Variants in LYPD5 observed in about 807,000 individuals in gnomAD.
LYPD5 encodes ly6/PLAUR domain-containing protein 5.
A neutral mutation model predicts 19.1 loss-of-function variants in LYPD5; 21 were observed. That is an observed-to-expected ratio of 1.10 (90% CI 0.78 to 1.58). The LOEUF is 1.58. LYPD5 is among the 40% of genes most tolerant of loss of function. LYPD5 has a pLI of 0.00. For missense variants in LYPD5, 287 were observed against 329.8 expected (o/e 0.87, Z 1.00); for synonymous variants, 128 against 142.7 (o/e 0.90, Z 0.74).
intron 1 of LYPD5, among the ~76,000 whole-genome samples, chr19:43,810,536 C>T (rs1332139171): frequency 6.8e-5 from 4 of 58,710 alleles, no homozygotes; most frequent in Admixed American, 1.6e-4. Context: ...CTTCCGTTCC[C>T]TCCCCTCCCC....
chr19:43,800,527 C>A (rs1261227181), intron 1 of LYPD5, among the ~76,000 whole-genome samples: 6 of 152,148 alleles, frequency 3.9e-5, no homozygotes, highest in Admixed American at 3.9e-4. Flanking sequence ...ATAACCATAT[C>A]AACACAGAGA....
chr19:43,802,412 C>T lies in LYPD5; in HGVS notation c.-32G>A, dbSNP rs775415001. The T allele has an allele frequency of 4.1e-5, 63 of 1,546,306 alleles. No homozygotes were observed. Among genetic ancestry groups the T allele is most frequent in the Non-Finnish European group, 5.5e-5 (63 of 1,142,366 alleles). Reference sequence around the variant, plus strand: ...GCTGGGCCACCTGGGACAGCTCCTCCCGCTGTGATGTGCTGCCTGGCTGGT... The same window carrying T: ...GCTGGGCCACCTGGGACAGCTCCTCTCGCTGTGATGTGCTGCCTGGCTGGT... On this transcript the variant is annotated 5_prime_UTR_variant, in exon 1 of 5. Coordinates refer to ENST00000377950, the MANE Select transcript of LYPD5 (RefSeq NM_001031749.3).
At chr19:43,802,101 CCCA>C (rs1357768601) in intron 1 of LYPD5, among the ~76,000 whole-genome samples, 1 of 152,048 alleles carries the variant, frequency 6.6e-6, no homozygotes, top group Non-Finnish European at 1.5e-5. Flanking sequence ...CAGGCTCCTG[CCCA>C]CCAAGACCCA....
At position 43,797,477 on chromosome 19, in the gene LYPD5, G is replaced by T; in HGVS notation, c.*114C>A. ...GGGCGGGAGAGATGGAAGGCCAGAG[G>T]GACAGGAGTGCAATTCTTACTTTAA... On this transcript the variant is annotated 3_prime_UTR_variant, in exon 5 of 5. Coordinates refer to ENST00000377950, the MANE Select transcript of LYPD5 (RefSeq NM_001031749.3). 1.1e-6 allele frequency: 1 copy of T among 872,498 alleles called. No individual in the cohort carries two copies. Among genetic ancestry groups the T allele is most frequent in the Non-Finnish European group, 1.8e-6 (1 of 555,988 alleles). 54.0% of individuals were successfully genotyped at this position (872,498 alleles called of 1,614,324 possible).
At chr19:43,818,632 A>G (rs1375178203) in intron 1 of LYPD5, among the ~76,000 whole-genome samples, 3 of 152,194 alleles carry the variant, frequency 2.0e-5, no homozygotes, top group Non-Finnish European at 4.4e-5. Context: ...CATTGCAGGC[A>G]TGAGGTCAGG....
chr19:43,804,053 G>C (rs1036100232), upstream of LYPD5, among the ~76,000 whole-genome samples: 1 of 152,136 alleles, frequency 6.6e-6, no homozygotes, highest in Non-Finnish European at 1.5e-5. Context: ...GGCCAGGCTG[G>C]TCTTGAATTC....
chr19:43,797,968 C>G, intron 4 of LYPD5, 139 bp from the exon 5 acceptor site: 1 of 679,520 alleles, frequency 1.5e-6, no homozygotes, highest in Non-Finnish European at 2.5e-6. Flanking sequence ...GGCCAGGCCT[C>G]CCTCAGACCA....
chr19:43,807,258 T>C (rs1432514086), upstream of LYPD5, among the ~76,000 whole-genome samples: 1 of 148,736 alleles, frequency 6.7e-6, no homozygotes, highest in Non-Finnish European at 1.5e-5. Context: ...CCTCACCTCA[T>C]TTTCTTTCTT....
At position 43,796,128 on chromosome 19, in the gene LYPD5, C is replaced by T. The variant is rs940574910; in HGVS notation, c.*1463G>A. The stretch of plus-strand genomic sequence containing the variant: ...AGGGCACTAATCCTATTCATGGGGG[C>T]TCCACCCTCATGATCTCACCACCTC... On this transcript the variant is annotated 3_prime_UTR_variant, in exon 5 of 5. Coordinates refer to ENST00000377950, the MANE Select transcript of LYPD5 (RefSeq NM_001031749.3). 6.6e-6 allele frequency: 1 copy of T among 152,170 alleles called. No homozygotes were observed. Among genetic ancestry groups the T allele is most frequent in the Non-Finnish European group, 1.5e-5 (1 of 68,044 alleles). The allele number at this position is 152,170 out of a possible 1,614,324, so 9.4% of individuals were successfully genotyped here. A position where few individuals can be genotyped will look rare whatever the true frequency, so the allele number is the denominator to read the frequency against.
intron 1 of LYPD5, among the ~76,000 whole-genome samples, chr19:43,810,054 C>T (rs939062606): frequency 1.4e-4 from 22 of 152,150 alleles, no homozygotes; most frequent in African/African-American, 4.6e-4. Context: ...ATGCACAATA[C>T]ATAATAATTT....
At chr19:43,801,720 G>C (rs754443654) in intron 1 of LYPD5, among the ~76,000 whole-genome samples, 20 of 152,126 alleles carry the variant, frequency 1.3e-4, no homozygotes, top group Non-Finnish European at 2.6e-4. Flanking sequence ...AGACTCATAG[G>C]ACATACTGAA....
In LYPD5 at chr19:43,815,885, G is replaced by A. The variant is rs1433117956; in HGVS notation, c.-66+4655C>T. 5 of 175,700 alleles carry A rather than the reference G, an allele frequency of 2.8e-5. No individual in the cohort carries two copies. The South Asian group carries it at 4.2e-4, about 15-fold the overall frequency. 10.9% of individuals were successfully genotyped at this position (175,700 alleles called of 1,614,324 possible). On this transcript the variant is annotated intron_variant, in intron 1 of 4. Coordinates refer to the LYPD5 transcript ENST00000414615. Reference sequence around the variant, plus strand: ...CCTGAGTAGCTGGGACTACAGGTGTGCACCACCATGCCTAATTTTTGTATT... The same window carrying A: ...CCTGAGTAGCTGGGACTACAGGTGTACACCACCATGCCTAATTTTTGTATT...
intron 4 of LYPD5, 89 bp downstream of exon 4, chr19:43,798,366 C>T: frequency 6.7e-7 from 1 of 1,491,228 alleles, no homozygotes; most frequent in African/African-American, 1.4e-5. Flanking sequence ...GCCATGTCTC[C>T]CTGTTGGGCC....
intron 1 of LYPD5, among the ~76,000 whole-genome samples, chr19:43,813,008 C>G (rs1270366904): frequency 6.6e-6 from 1 of 152,128 alleles, no homozygotes; most frequent in Non-Finnish European, 1.5e-5. Flanking sequence ...GTGTCTGAGC[C>G]CCACCTCCGG....
chr19:43,798,449 C>CCAA lies in LYPD5; in HGVS notation c.517+5_517+6insTTG. ...CCCAGGCCCTTCCACCCTTCCAGCC[C>CCAA]CTTACCAACTGTCATTCTGCCATTG... is the stretch of plus-strand genomic sequence containing the variant. On this transcript the variant is annotated splice_donor_region_variant and intron_variant, in intron 4 of 4. Coordinates refer to ENST00000377950, the MANE Select transcript of LYPD5 (RefSeq NM_001031749.3). 1 of 1,605,266 alleles carries CCAA rather than the reference C, an allele frequency of 6.2e-7. No individual in the cohort carries two copies. The highest frequency in any genetic ancestry group is 1.1e-5 in the South Asian group (1 of 91,084).
intron 1 of LYPD5, among the ~76,000 whole-genome samples, chr19:43,807,840 C>G (rs1225447872): frequency 1.3e-5 from 2 of 152,182 alleles, no homozygotes; most frequent in Non-Finnish European, 2.9e-5. Flanking sequence ...TGAGGCAATG[C>G]CCAAGGGGCT....
chr19:43,802,375 T>TGCC lies in LYPD5; in HGVS notation c.3_5dup (p.Ala2dup), dbSNP rs1970235227. 1.3e-6 allele frequency: 2 copies of TGCC among 1,551,632 alleles called. No homozygotes were observed. The highest frequency in any genetic ancestry group is 1.7e-6 in the Non-Finnish European group (2 of 1,146,974). On this transcript the variant is annotated inframe_insertion, in exon 1 of 5. Coordinates refer to ENST00000377950, the MANE Select transcript of LYPD5 (RefSeq NM_001031749.3). Reference sequence around the variant, plus strand: ...GCAGAATGACTCTGGGGACCCCCATTGCCATTGCTGAGCTGGGCCACCTGG... The same window carrying TGCC: ...GCAGAATGACTCTGGGGACCCCCATTGCCGCCATTGCTGAGCTGGGCCACCTGG...
intron 1 of LYPD5, among the ~76,000 whole-genome samples, chr19:43,817,229 G>T (rs1338646836): frequency 6.6e-6 from 1 of 152,180 alleles, no homozygotes; most frequent in East Asian, 1.9e-4. Flanking sequence ...TATTGTGGGG[G>T]AGGGGGCATG....
intron 1 of LYPD5, among the ~76,000 whole-genome samples, chr19:43,817,427 T>G (rs1459717860): frequency 6.6e-6 from 1 of 152,010 alleles, no homozygotes; most frequent in Non-Finnish European, 1.5e-5. Flanking sequence ...ATTCAAGGAG[T>G]GGAGAAATTG....
Sources: allele counts gnomAD v4.1 joint callset (sites outside exome capture counted in the v4.1 genomes callset), GRCh38; gene constraint gnomAD v4.1.1; transcripts MANE v1.5; gene names NCBI Gene and HGNC (gene_info 2026-07-23, HGNC 2026-07-21).